The following KRT77 variants were observed in gnomAD, a reference collection of about 807,000 sequenced individuals.
KRT77 encodes keratin, type II cytoskeletal 1b.
A neutral mutation model predicts 51.5 loss-of-function variants in KRT77; 44 were observed. That is an observed-to-expected ratio of 0.85 (90% CI 0.67 to 1.10). KRT77 has a LOEUF of 1.10. KRT77 is among the 50% of genes least tolerant of loss of function. KRT77 has a pLI of 0.00. For missense variants in KRT77, 763 were observed against 743.9 expected, an observed-to-expected ratio of 1.03 and a Z score of -0.30; for synonymous variants, 293 against 302.0, an observed-to-expected ratio of 0.97 and a Z score of 0.31.
At chr12:52,702,526 ATGTG>A (rs370952515) in intron 1 of KRT77, among the ~76,000 whole-genome samples, 6 of 51,292 alleles carry the variant, frequency 1.2e-4, no homozygotes, top group African/African-American at 3.8e-4. Context: ...GAATGGATGG[ATGTG>A]TGTGTGTGTG....
Position 52,691,356 on chromosome 12 carries a change from C to A in KRT77, c.1546G>T (p.Gly516Cys). Reference protein sequence around the residue: ...YGSGGYGGGSGGGYGGGRSYR... With the variant: ...YGSGGYGGGSCGGYGGGRSYR... Reference sequence around the variant, plus strand: ...CTTCTTCCGCCGCCATAGCCCCCACCGCTGCCGCCGCCGTAGCCTCCTGAG... The same window carrying A: ...CTTCTTCCGCCGCCATAGCCCCCACAGCTGCCGCCGCCGTAGCCTCCTGAG... The change falls in exon 9 of 9, where the codon GGT becomes TGT. Residue 516 changes from glycine (G) to cysteine (C), a missense_variant. Physicochemically the swap from Gly to Cys is radical, Grantham distance 159 (BLOSUM62 -3). Coordinates refer to ENST00000341809, the MANE Select transcript of KRT77 (RefSeq NM_175078.3). The A allele has an allele frequency of 1.9e-6, 3 of 1,594,964 alleles. No homozygotes were observed. Among genetic ancestry groups the A allele is most frequent in the Middle Eastern group, 1.8e-4 (1 of 5,622 alleles).
intron 2 of KRT77, among the ~76,000 whole-genome samples, chr12:52,697,407 A>G (rs1941810472): frequency 1.3e-5 from 2 of 152,250 alleles, no homozygotes; most frequent in Admixed American, 1.3e-4. Context: ...AGCAGCTAGT[A>G]AGTGGCAGAG....
At chr12:52,698,823 C>CA (rs1394957111) in intron 1 of KRT77, among the ~76,000 whole-genome samples, 1 of 152,214 alleles carries the variant, frequency 6.6e-6, no homozygotes, top group African/African-American at 2.4e-5. Flanking sequence ...CGCACACGCC[C>CA]AAAAACACAC....
At chr12:52,694,344 T>C (rs1941760166) in intron 5 of KRT77, among the ~76,000 whole-genome samples, 1 of 152,232 alleles carries the variant, frequency 6.6e-6, no homozygotes, top group Non-Finnish European at 1.5e-5. Context: ...CAATAAACAT[T>C]ATTGGGTTTT....
chr12:52,700,718 G>A (rs1941875704), intron 1 of KRT77, among the ~76,000 whole-genome samples: 1 of 152,248 alleles, frequency 6.6e-6, no homozygotes, highest in Middle Eastern at 3.2e-3. Context: ...ACAAATGCAA[G>A]TGTGGGCTTA....
chr12:52,700,813 AG>A (rs1287185172), intron 1 of KRT77, among the ~76,000 whole-genome samples: 1 of 152,194 alleles, frequency 6.6e-6, no homozygotes, highest in Non-Finnish European at 1.5e-5. Context: ...AAGCCACTGG[AG>A]GATTCAAATG....
At chr12:52,699,814 G>A (rs191992973) in intron 1 of KRT77, among the ~76,000 whole-genome samples, 24 of 152,270 alleles carry the variant, frequency 1.6e-4, no homozygotes, top group African/African-American at 5.8e-4. Flanking sequence ...CTCTCTCCCG[G>A]GCTGCACTGG....
At chr12:52,699,305 A>G (rs951488123) in intron 1 of KRT77, among the ~76,000 whole-genome samples, 2 of 152,196 alleles carry the variant, frequency 1.3e-5, no homozygotes, top group African/African-American at 4.8e-5. Flanking sequence ...ACATAAAACA[A>G]TGAGGGAGCA....
intron 1 of KRT77, among the ~76,000 whole-genome samples, chr12:52,702,386 TG>T (rs1941895995): frequency 6.6e-6 from 1 of 151,646 alleles, no homozygotes; most frequent in South Asian, 2.1e-4. Context: ...GATGGATGAG[TG>T]AATGAACAGA....
rs925263607 is a variant in KRT77 at position 52,698,731 on chromosome 12, G to A, written c.544-835C>T. On this transcript the variant is annotated intron_variant, in intron 1 of 8. Transcript: ENST00000341809. ...ACCAGCCTCCACCTTTCCTCAGCCA[G>A]GTAGACACTGTGGAGCCTCTGCTCC... 2.6e-5 allele frequency among the ~76,000 whole-genome samples: 4 copies of A among 152,354 alleles called. No homozygotes were observed. In the East Asian group the frequency reaches 7.7e-4, roughly 29 times the overall value.
At chr12:52,695,984 A>G (rs547171325) in intron 3 of KRT77, 117 bp from the exon 4 acceptor site, 257 of 703,792 alleles carry the variant, frequency 3.7e-4, no homozygotes, top group Non-Finnish European at 6.0e-4. Context: ...TACTTAAAAA[A>G]TTCATCACCG....
At chr12:52,695,633 G>A (rs367965903) in intron 4 of KRT77, 139 bp downstream of exon 4, 19 of 634,928 alleles carry the variant, frequency 3.0e-5, no homozygotes, top group East Asian at 1.1e-4. Context: ...GCTGACTCCA[G>A]GCCCACAGAG....
intron 1 of KRT77, among the ~76,000 whole-genome samples, chr12:52,700,835 G>A (rs140559417): frequency 4.6e-5 from 7 of 152,306 alleles, no homozygotes; most frequent in Middle Eastern, 3.4e-3. Flanking sequence ...GAGGAGTGTC[G>A]TGACATGCTT....
In KRT77 at chr12:52,691,037, T is replaced by C; in HGVS notation, c.*128A>G. 7.2e-7 allele frequency: 1 copy of C among 1,395,954 alleles called. No individual in the cohort carries two copies. The allele number at this position is 1,395,954 out of a possible 1,614,324, so 86.5% of individuals were successfully genotyped here. ...CCCTGCTTCCCCCATTAGAGTCGAA[T>C]TTATTGGCAAAATTGCTGAGACCCA... On this transcript the variant is annotated 3_prime_UTR_variant, in exon 9 of 9. Coordinates refer to ENST00000341809, the MANE Select transcript of KRT77 (RefSeq NM_175078.3).
Position 52,693,496 on chromosome 12 carries a change from C to T in KRT77, c.1081-616G>A, listed in dbSNP as rs552863305. 459 of 152,262 alleles carry T rather than the reference C, an allele frequency of 3.0e-3. 24 individuals carry two copies. Among genetic ancestry groups the T allele is most frequent in the Non-Finnish European group, 5.5e-3 (374 of 68,186 alleles). The allele number at this position is 152,262 out of a possible 1,614,324, so 9.4% of individuals were successfully genotyped here. The stretch of plus-strand genomic sequence containing the variant: ...TGCTTCCTAGTCTAATGTCGAAATC[C>T]ATTCCACCCCAGAACACTGTGCAGG... On this transcript the variant is annotated intron_variant, in intron 5 of 8. Transcript: ENST00000341809.
At chr12:52,693,274 G>C (rs980510496) in intron 5 of KRT77, among the ~76,000 whole-genome samples, 2 of 150,348 alleles carry the variant, frequency 1.3e-5, no homozygotes, top group Non-Finnish European at 3.0e-5. Flanking sequence ...GATCTCCCTA[G>C]CAGTCAAGCA....
chr12:52,692,997 CACCCCT>C, intron 5 of KRT77, 117 bp from the exon 6 acceptor site: 3 of 1,201,434 alleles, frequency 2.5e-6, no homozygotes, highest in East Asian at 4.7e-5. Context: ...GCACTGTGGT[CACCCCT>C]ACATGCATAC....
Position 52,694,738 on chromosome 12 carries a change from A to G in KRT77, c.968T>C (p.Met323Thr). The G allele has an allele frequency of 6.2e-7, 1 of 1,613,044 alleles. No homozygotes were observed. The highest frequency in any genetic ancestry group is 8.5e-7 in the Non-Finnish European group (1 of 1,179,180). The stretch of plus-strand genomic sequence containing the variant: ...CAGGTCCAGGGAACGGTTATTGTCC[A>G]TGGACAGGATGACGTTGGTGTCGCT... ...HISDTNVILS[M>T]DNNRSLDLDS... The change falls in exon 5 of 9, where the codon ATG becomes ACG. Residue 323 changes from methionine (M) to threonine (T), a missense_variant. Physicochemically the swap from Met to Thr is moderately conservative, Grantham distance 81. Coordinates refer to ENST00000341809, the MANE Select transcript of KRT77 (RefSeq NM_175078.3).
At chr12:52,700,402 G>A (rs139100550) in intron 1 of KRT77, among the ~76,000 whole-genome samples, 42 of 152,246 alleles carry the variant, frequency 2.8e-4, no homozygotes, top group African/African-American at 9.4e-4. Context: ...TGGTGGTCAG[G>A]GAAGGCCCCA....
Sources: allele counts gnomAD v4.1 joint callset (sites outside exome capture counted in the v4.1 genomes callset), GRCh38; gene constraint gnomAD v4.1.1; transcripts MANE v1.5; gene names NCBI Gene and HGNC (gene_info 2026-07-23, HGNC 2026-07-21).